The following HABP2 variants were observed in gnomAD, a reference collection of about 807,000 sequenced individuals.
HABP2 encodes factor VII-activating protease.
In HABP2, 65 loss-of-function variants were observed where a neutral mutation model predicts 66.5. That is an observed-to-expected ratio of 0.98 (90% CI 0.80 to 1.20). The LOEUF is 1.20. HABP2 is among the 50% of genes most tolerant of loss of function. HABP2 has a pLI of 0.00. For synonymous variants in HABP2, 263 were observed against 253.9 expected, an observed-to-expected ratio of 1.04 and a Z score of -0.34; for missense variants, 786 against 691.0, an observed-to-expected ratio of 1.14 and a Z score of -1.54.
At position 113,576,240 on chromosome 10, in the gene HABP2, A is replaced by G. The variant is rs114206232; in HGVS notation, c.331+236A>G. ...ATGGGAAGATTGAGGCTGAGAGGGG[A>G]TAAGGGCTGGACTCTAACCAAGATA... On this transcript the variant is annotated intron_variant, in intron 4 of 12. Transcript: ENST00000351270. 7.3e-3 allele frequency among the ~76,000 whole-genome samples: 1,104 copies of G among 152,266 alleles called. 10 individuals are homozygous for G. Among genetic ancestry groups the G allele is most frequent in the African/African-American group, 0.025 (1,028 of 41,552 alleles).
upstream of HABP2, among the ~76,000 whole-genome samples, chr10:113,551,531 C>T (rs1209491431): frequency 5.9e-5 from 9 of 152,126 alleles, no homozygotes; most frequent in South Asian, 2.1e-4. Context: ...TACAGCCAGG[C>T]GCAGTGGCTT....
intron 12 of HABP2, among the ~76,000 whole-genome samples, chr10:113,587,021 C>T (rs1309342447): frequency 6.6e-6 from 1 of 152,168 alleles, no homozygotes; most frequent in African/African-American, 2.4e-5. Context: ...AAGAAAACAG[C>T]TCATTCAGGC....
At chr10:113,569,303 A>T (rs978040876) in intron 2 of HABP2, among the ~76,000 whole-genome samples, 1 of 152,200 alleles carries the variant, frequency 6.6e-6, no homozygotes, top group Non-Finnish European at 1.5e-5. Context: ...GTCCATCTCG[A>T]GGTGTCATAG....
chr10:113,578,223 G>A lies in HABP2; in HGVS notation c.568+78G>A, dbSNP rs1592696370. The A allele has an allele frequency of 5.3e-6, 8 of 1,509,254 alleles. No individual in the cohort carries two copies. The East Asian group carries it at 6.8e-5, about 13-fold the overall frequency. 93.5% of individuals were successfully genotyped at this position (1,509,254 alleles called of 1,614,324 possible). A position where few individuals can be genotyped will look rare whatever the true frequency, so the allele number is the denominator to read the frequency against. On this transcript the variant is annotated intron_variant, in intron 6 of 12. Coordinates refer to ENST00000351270, the MANE Select transcript of HABP2 (RefSeq NM_004132.5). ...CCTCTCTGGGTTTTGTTGCCAGAAT[G>A]TGGTTCAAATCAAGTTTCCCAAACT...
upstream of HABP2, among the ~76,000 whole-genome samples, chr10:113,552,813 C>T (rs1424610225): frequency 9.2e-5 from 14 of 152,158 alleles, no homozygotes; most frequent in Admixed American, 6.5e-5. Context: ...GCTTCCTGCT[C>T]GGAACACCCA....
At position 113,584,181 on chromosome 10, in the gene HABP2, G is replaced by C. The variant is rs1361747525; in HGVS notation, c.1271G>C (p.Cys424Ser). The change falls in exon 11 of 13, where the codon TGT becomes TCT. Residue 424 changes from cysteine (C) to serine (S), a missense_variant. Physicochemically the swap from Cys to Ser is moderately radical, Grantham distance 112 (BLOSUM62 -1). Coordinates refer to ENST00000351270, the MANE Select transcript of HABP2 (RefSeq NM_004132.5). ...LLKLKPVDGH[C>S]ALESKYVKTV... Reference sequence around the variant, plus strand: ...AAGTTAAAGCCAGTGGATGGTCACTGTGCTCTAGAATCCAAATACGTGAAG... The same window carrying C: ...AAGTTAAAGCCAGTGGATGGTCACTCTGCTCTAGAATCCAAATACGTGAAG... 6.2e-7 allele frequency: 1 copy of C among 1,613,742 alleles called. No individual in the cohort carries two copies. Among genetic ancestry groups the C allele is most frequent in the Admixed American group, 1.7e-5 (1 of 60,024 alleles).
chr10:113,564,655 T>G (rs1443790589), intron 1 of HABP2, among the ~76,000 whole-genome samples: 1 of 152,222 alleles, frequency 6.6e-6, no homozygotes, highest in Non-Finnish European at 1.5e-5. Flanking sequence ...TTTTGTAATT[T>G]TTTAAACCTA....
chr10:113,576,075 G>A, intron 4 of HABP2, 71 bp downstream of exon 4: 1 of 855,674 alleles, frequency 1.2e-6, no homozygotes, highest in Non-Finnish European at 2.0e-6. Flanking sequence ...GTGTGAGAAA[G>A]CACTGCGCAA....
At chr10:113,558,854 CT>C (rs1380972958) in intron 1 of HABP2, among the ~76,000 whole-genome samples, 3 of 152,046 alleles carry the variant, frequency 2.0e-5, no homozygotes, top group African/African-American at 7.2e-5. Flanking sequence ...ACTTGCTTGT[CT>C]TAATTTTTTT....
chr10:113,584,351 A>C, intron 11 of HABP2, 69 bp downstream of exon 11: 7 of 1,354,900 alleles, frequency 5.2e-6, no homozygotes, highest in African/African-American at 1.4e-5. Flanking sequence ...GGCCAAACTC[A>C]ACTGCCCTTT....
intron 12 of HABP2, among the ~76,000 whole-genome samples, chr10:113,587,939 T>C (rs541823250): frequency 6.6e-6 from 1 of 152,108 alleles, no homozygotes; most frequent in East Asian, 1.9e-4. Context: ...AACATCTGCA[T>C]CACTGAGAGT....
chr10:113,571,357 T>A (rs7101303), intron 2 of HABP2, among the ~76,000 whole-genome samples: 124,975 of 152,156 alleles, frequency 0.82, 51,410 homozygotes, highest in East Asian at 0.94. Flanking sequence ...ATGTTCTCAT[T>A]TGCTCTTGCA....
chr10:113,558,310 T>C (rs1845037243), intron 1 of HABP2, among the ~76,000 whole-genome samples: 1 of 152,256 alleles, frequency 6.6e-6, no homozygotes, highest in Non-Finnish European at 1.5e-5. Context: ...TTAATACTTT[T>C]GTTAAAGACT....
chr10:113,577,384 CT>C, intron 5 of HABP2, 118 bp downstream of exon 5: 1 of 696,052 alleles, frequency 1.4e-6, no homozygotes, highest in Non-Finnish European at 2.6e-6. Flanking sequence ...CAAGATGGTC[CT>C]TTTCCCTAGG....
At chr10:113,581,234 C>G (rs1399677381) in intron 8 of HABP2, among the ~76,000 whole-genome samples, 1 of 152,164 alleles carries the variant, frequency 6.6e-6, no homozygotes, top group Non-Finnish European at 1.5e-5. Flanking sequence ...CATATCTGTT[C>G]TTGTCCATAT....
chr10:113,571,551 C>T (rs1246339179), intron 2 of HABP2, among the ~76,000 whole-genome samples: 1 of 152,086 alleles, frequency 6.6e-6, no homozygotes, highest in East Asian at 1.9e-4. Context: ...GGGAAACTGA[C>T]TCCATCTCTT....
In HABP2 at chr10:113,584,314, G is replaced by C. The variant is rs1484469246; in HGVS notation, c.1372+32G>C. ...CGGCCATGCACTCTCCCATGACTTA[G>C]GTGAACTACATCAACCAGAGAAGAA... On this transcript the variant is annotated intron_variant, in intron 11 of 12. Coordinates refer to ENST00000351270, the MANE Select transcript of HABP2 (RefSeq NM_004132.5). 1.9e-6 allele frequency: 3 copies of C among 1,603,744 alleles called. No homozygotes were observed. In the African/African-American group the frequency reaches 4.0e-5, roughly 21 times the overall value.
At chr10:113,567,856 G>A (rs1164385013) in intron 2 of HABP2, among the ~76,000 whole-genome samples, 1 of 152,238 alleles carries the variant, frequency 6.6e-6, no homozygotes, top group Non-Finnish European at 1.5e-5. Context: ...AGGCTGAGAT[G>A]AGGTGAAAGG....
At position 113,589,488 on chromosome 10, in the gene HABP2, CGT is replaced by C; in HGVS notation, c.*1122_*1123del. On this transcript the variant is annotated 3_prime_UTR_variant, in exon 13 of 13. Coordinates refer to ENST00000351270, the MANE Select transcript of HABP2 (RefSeq NM_004132.5). ...AAAGCCCTGCAGGAAGTTTAACCTG[CGT>C]GTCATCTGCCTGGTCATCTCAGACC... 1.5e-6 allele frequency: 1 copy of C among 689,290 alleles called. No homozygotes were observed. Among genetic ancestry groups the C allele is most frequent in the Non-Finnish European group, 2.4e-6 (1 of 419,318 alleles). The allele number at this position is 689,290 out of a possible 1,614,324, so 42.7% of individuals were successfully genotyped here.
Sources: allele counts gnomAD v4.1 joint callset (sites outside exome capture counted in the v4.1 genomes callset), GRCh38; gene constraint gnomAD v4.1.1; transcripts MANE v1.5; gene names NCBI Gene and HGNC (gene_info 2026-07-23, HGNC 2026-07-21).